MFN2: variants seen among roughly 807,000 people sequenced by gnomAD.
MFN2 encodes the protein mitofusin-2.
Under a neutral mutation model 87.5 loss-of-function variants are expected in MFN2, and 43 were observed. That is an observed-to-expected ratio of 0.49 (90% CI 0.38 to 0.63). MFN2 has a LOEUF of 0.63. Among genes scored for constraint, MFN2 ranks in the 30% least tolerant of loss-of-function variants. The pLI is 0.00. For missense variants in MFN2, 743 were observed against 972.8 expected, an observed-to-expected ratio of 0.76 and a Z score of 3.14; for synonymous variants, 337 against 359.9, an observed-to-expected ratio of 0.94 and a Z score of 0.72.
rs748318825 is a variant in MFN2, at chr1:11,999,087, A to T, written c.808A>T (p.Met270Leu). The T allele has an allele frequency of 6.2e-7, 1 of 1,614,140 alleles. No individual in the cohort carries two copies. Among genetic ancestry groups the T allele is most frequent in the Non-Finnish European group, 8.5e-7 (1 of 1,179,972 alleles). ...TGCATCTGCCTCAGAGCCCGAGTAC[A>T]TGGAGGAGGTTCGTGCTTCTGTTTG... ...WDASASEPEY[M>L]EEVRRQHMER... The change falls in exon 8 of 19, where the codon ATG becomes TTG. Residue 270 changes from methionine to leucine, a missense_variant. Physicochemically the swap from Met to Leu is conservative, Grantham distance 15. Transcript: ENST00000235329.
chr1:11,988,306 T>C (rs1469923194), intron 2 of MFN2, among the ~76,000 whole-genome samples: 1 of 152,022 alleles, frequency 6.6e-6, no homozygotes, highest in Non-Finnish European at 1.5e-5. Flanking sequence ...GGTTTCATCA[T>C]GTTGGCCAGG....
Position 12,013,054 on chromosome 1 carries a change from G to T in MFN2, c.*1489G>T. On this transcript the variant is annotated 3_prime_UTR_variant, in exon 19 of 19. Coordinates refer to ENST00000235329, the MANE Select transcript of MFN2 (RefSeq NM_014874.4). Reference sequence around the variant, plus strand: ...CTCAGTCTGTCCTGTTGTGTGGGGCGAAGTGATGGACTCTGCCAGGTGGAC... The same window carrying T: ...CTCAGTCTGTCCTGTTGTGTGGGGCTAAGTGATGGACTCTGCCAGGTGGAC... The T allele has an allele frequency of 3.1e-6, 1 of 325,584 alleles. No individual in the cohort carries two copies. The highest frequency in any genetic ancestry group is 6.0e-6 in the Non-Finnish European group (1 of 167,176). The allele number at this position is 325,584 out of a possible 1,614,324, so 20.2% of individuals were successfully genotyped here.
intron 4 of MFN2, among the ~76,000 whole-genome samples, chr1:11,995,083 A>C (rs1258307562): frequency 6.6e-6 from 1 of 151,914 alleles, no homozygotes; most frequent in East Asian, 1.9e-4. Context: ...CTCTACCAAA[A>C]ATTTAAAAAT....
At chr1:12,007,874 T>G (rs1366878384) in intron 17 of MFN2, among the ~76,000 whole-genome samples, 2 of 152,024 alleles carry the variant, frequency 1.3e-5, no homozygotes, top group African/African-American at 4.8e-5. Context: ...GGTCTCTGGT[T>G]TTCCTAGGCA....
Position 11,999,104 on chromosome 1 carries a change from T to C in MFN2, c.816+9T>C. 1 of 1,613,656 alleles carries C rather than the reference T, an allele frequency of 6.2e-7. No homozygotes were observed. Among genetic ancestry groups the C allele is most frequent in the East Asian group, 2.2e-5 (1 of 44,884 alleles). On this transcript the variant is annotated intron_variant, in intron 8 of 18. Coordinates refer to ENST00000235329, the MANE Select transcript of MFN2 (RefSeq NM_014874.4). ...CCGAGTACATGGAGGAGGTTCGTGC[T>C]TCTGTTTGGCAGTTTGGGGAATGCA... is the stretch of plus-strand genomic sequence containing the variant.
At chr1:11,999,979 C>G (rs943827713) in intron 8 of MFN2, among the ~76,000 whole-genome samples, 2 of 151,514 alleles carry the variant, frequency 1.3e-5, no homozygotes, top group African/African-American at 4.8e-5. Context: ...CGCCTGTAGT[C>G]CCAGCTACGC....
chr1:11,984,758 A>C (rs908396520), intron 2 of MFN2, among the ~76,000 whole-genome samples: 4 of 152,250 alleles, frequency 2.6e-5, no homozygotes, highest in African/African-American at 9.6e-5. Flanking sequence ...CCAAGAGGAC[A>C]GAGTTCAGGG....
rs964791973 is a variant in MFN2, at chr1:12,013,103, C to T, written c.*1538C>T. On this transcript the variant is annotated 3_prime_UTR_variant, in exon 19 of 19. Coordinates refer to ENST00000235329, the MANE Select transcript of MFN2 (RefSeq NM_014874.4). Reference sequence around the variant, plus strand: ...ACATGCTGTGGGTGGATGTTCCCGGCGTGTGCCGGGCCTGAATGGACAGGG... The same window carrying T: ...ACATGCTGTGGGTGGATGTTCCCGGTGTGTGCCGGGCCTGAATGGACAGGG... 2.9e-5 allele frequency: 10 copies of T among 342,806 alleles called. No homozygotes were observed. The East Asian group carries it at 4.0e-4, about 14-fold the overall frequency. The allele number at this position is 342,806 out of a possible 1,614,324, so 21.2% of individuals were successfully genotyped here.
At chr1:11,998,648 T>C in intron 6 of MFN2, 122 bp from the exon 7 acceptor site, 1 of 863,692 alleles carries the variant, frequency 1.2e-6, no homozygotes, top group Non-Finnish European at 2.0e-6. Flanking sequence ...GCCTGATTTC[T>C]CTCCCGTCCC....
intron 5 of MFN2, 87 bp downstream of exon 5, chr1:11,996,405 G>A: frequency 2.6e-6 from 4 of 1,526,968 alleles, no homozygotes; most frequent in Non-Finnish European, 3.6e-6. Context: ...CCTCTAGGGA[G>A]GGGGCAGCAC....
At chr1:11,987,183 C>T (rs1382152313) in intron 2 of MFN2, among the ~76,000 whole-genome samples, 2 of 151,318 alleles carry the variant, frequency 1.3e-5, no homozygotes, top group Non-Finnish European at 2.9e-5. Context: ...TGGTACATGC[C>T]CGTACTCCAA....
chr1:12,009,413 G>A (rs1639590753), intron 17 of MFN2, among the ~76,000 whole-genome samples, 179 bp from the exon 18 acceptor site: 1 of 152,240 alleles, frequency 6.6e-6, no homozygotes, highest in Non-Finnish European at 1.5e-5. Context: ...GTGTTTGGTT[G>A]TTATGATTAT....
At chr1:11,988,084 T>TGTGTGTGTGTGTGTGTG (rs1553140706) in intron 2 of MFN2, among the ~76,000 whole-genome samples, 2 of 144,230 alleles carry the variant, frequency 1.4e-5, no homozygotes, top group East Asian at 2.1e-4. Context: ...CCAATAGTTT[T>TGTGTGTGTGTGTGTGTG]TGTGTGTGTG....
At chr1:11,989,742 C>T (rs1294689084) in intron 3 of MFN2, among the ~76,000 whole-genome samples, 1 of 152,138 alleles carries the variant, frequency 6.6e-6, no homozygotes, top group Admixed American at 6.6e-5. Flanking sequence ...CCATTAATAC[C>T]AGGCACTGTT....
At chr1:11,988,062 T>C (rs1638499383) in intron 2 of MFN2, among the ~76,000 whole-genome samples, 1 of 150,710 alleles carries the variant, frequency 6.6e-6, no homozygotes, top group Non-Finnish European at 1.5e-5. Flanking sequence ...ACCTGTGCTA[T>C]ACTAAAATAG....
chr1:11,991,780 C>G (rs566198569), intron 3 of MFN2, among the ~76,000 whole-genome samples: 10 of 150,828 alleles, frequency 6.6e-5, no homozygotes, highest in Non-Finnish European at 1.3e-4. Context: ...AAAAATTAGC[C>G]GGGCGTAGTG....
chr1:11,980,467 G>A lies in MFN2; in HGVS notation c.-167G>A, dbSNP rs1451215950. 5.0e-6 allele frequency: 2 copies of A among 398,226 alleles called. No homozygotes were observed. The highest frequency in any genetic ancestry group is 4.4e-5 in the Admixed American group (1 of 22,712). The allele number at this position is 398,226 out of a possible 1,614,324, so 24.7% of individuals were successfully genotyped here. On this transcript the variant is annotated 5_prime_UTR_variant, in exon 1 of 19. Coordinates refer to ENST00000235329, the MANE Select transcript of MFN2 (RefSeq NM_014874.4). ...ACGTAGTGAGTGTGATGGCCGCCGC[G>A]AGGCCGGGAAGGTGAAGGTGAGAGG...
At position 11,994,405 on chromosome 1, in the gene MFN2, G is replaced by A. The variant is rs1330213135; in HGVS notation, c.311+1715G>A. On this transcript the variant is annotated intron_variant, in intron 4 of 18. Transcript: ENST00000235329. The stretch of plus-strand genomic sequence containing the variant: ...AGATTGAGACCATCCTGGCTAACAC[G>A]GTGAAACCCCATCTCTACTAAAAAT... Among the ~76,000 whole-genome samples the A allele has an allele frequency of 2.0e-5, 3 of 152,072 alleles. No individual in the cohort carries two copies. In the South Asian group the frequency reaches 6.2e-4, roughly 32 times the overall value.
At position 12,004,716 on chromosome 1, in the gene MFN2, C is replaced by T; in HGVS notation, c.1392+103C>T. On this transcript the variant is annotated intron_variant, in intron 13 of 18. Coordinates refer to ENST00000235329, the MANE Select transcript of MFN2 (RefSeq NM_014874.4). This position sits in a 1 kb window ranked among gnomAD's most constrained non-coding sequence, Gnocchi z 4.2. ...CCCCCAGCAGTGACAGTAGAAGCCA[C>T]AGAGACAAGGCCCAGGCTTCCGTCA... 1 of 1,495,554 alleles carries T rather than the reference C, an allele frequency of 6.7e-7. No homozygotes were observed. Among genetic ancestry groups the T allele is most frequent in the South Asian group, 1.1e-5 (1 of 87,926 alleles). The allele number at this position is 1,495,554 out of a possible 1,614,324, so 92.6% of individuals were successfully genotyped here.
Sources: allele counts gnomAD v4.1 joint callset (sites outside exome capture counted in the v4.1 genomes callset), GRCh38; gene constraint gnomAD v4.1.1; non-coding constraint Gnocchi (gnomAD v3.1); transcripts MANE v1.5; gene names NCBI Gene and HGNC (gene_info 2026-07-23, HGNC 2026-07-21).